Variants in ICE1 observed in about 807,000 individuals in gnomAD.
ICE1 encodes interactor of little elongation complex ELL subunit 1.
ICE1 carries 64 observed loss-of-function variants against 192.7 expected under a neutral mutation model. The observed-to-expected ratio is 0.33, with a 90% CI of 0.27 to 0.41. The LOEUF (loss-of-function observed/expected upper bound fraction) is 0.41. Ranked by LOEUF, ICE1 falls within the 10% of genes least tolerant of loss-of-function variation. The pLI, the probability that ICE1 is intolerant of heterozygous loss-of-function variation, is 1.00. For synonymous variants in ICE1, 1,010 were observed against 984.5 expected (o/e 1.03, Z -0.49); for missense variants, 2,708 against 2,696.0 (o/e 1.00, Z -0.10).
chr5:5,455,566 A>C (rs895450796), intron 11 of ICE1, among the ~76,000 whole-genome samples: 1 of 152,204 alleles, frequency 6.6e-6, no homozygotes. Context: ...GCTGTTCTTC[A>C]TTTCATAATC....
Position 5,465,039 on chromosome 5 carries a change from T to G in ICE1, c.5705T>G (p.Leu1902Ter). 6.2e-7 allele frequency: 1 copy of G among 1,613,964 alleles called. No homozygotes were observed. Among genetic ancestry groups the G allele is most frequent in the South Asian group, 1.1e-5 (1 of 91,056 alleles). Residue 1902 changes from leucine (L) to a stop codon, truncating the protein, a stop_gained, in exon 13 of 19, where the codon TTA (leucine) becomes TGA (stop). Coordinates refer to ENST00000296564, the MANE Select transcript of ICE1 (RefSeq NM_015325.3). LOFTEE classifies it high-confidence loss of function. ...PAVSAVSQLP[L>*]SPKETVESHD... is the part of the protein sequence containing the mutation. ...GTCAGTGCAGTTTCACAGTTGCCTTTAAGCCCAAAAGAAACTGTGGAGTCC... is the reference window on the plus strand; with the variant it reads ...GTCAGTGCAGTTTCACAGTTGCCTTGAAGCCCAAAAGAAACTGTGGAGTCC...
At chr5:5,425,383 C>T (rs192983146) in intron 1 of ICE1, among the ~76,000 whole-genome samples, 1 of 152,320 alleles carries the variant, frequency 6.6e-6, no homozygotes, top group East Asian at 1.9e-4. Flanking sequence ...CTCAGCTCTG[C>T]CATTTTCATG....
intron 1 of ICE1, among the ~76,000 whole-genome samples, chr5:5,431,263 G>GAAA (rs1272469671): frequency 6.6e-6 from 1 of 152,166 alleles, no homozygotes; most frequent in South Asian, 2.1e-4. Flanking sequence ...TTTTATTTTA[G>GAAA]AAAAAATAAT....
rs535136190 is a variant in ICE1, at chr5:5,450,590, G to A, written c.604+2693G>A. On this transcript the variant is annotated intron_variant, in intron 10 of 18. Coordinates refer to ENST00000296564, the MANE Select transcript of ICE1 (RefSeq NM_015325.3). ...TCATAGGGGCCACCAAGTGTTGAGC[G>A]TGATTTTTGTGTACAGTCTCCGTCT... is the stretch of plus-strand genomic sequence containing the variant. Among the ~76,000 whole-genome samples, 13 of 152,258 alleles carry A rather than the reference G, an allele frequency of 8.5e-5. No individual in the cohort carries two copies. In the South Asian group the frequency reaches 2.5e-3, roughly 29 times the overall value.
chr5:5,483,197 T>C (rs1739553758), intron 17 of ICE1, among the ~76,000 whole-genome samples: 1 of 152,144 alleles, frequency 6.6e-6, no homozygotes, highest in South Asian at 2.1e-4. Context: ...AGTTTCTCCA[T>C]GTTGGTCAGG....
rs373518028 is a variant in ICE1, at chr5:5,461,337, C to T, written c.2003C>T (p.Pro668Leu). ...DITTKVFSTE[P>L]HHSEHKLQTK... ...ACTACTAAAGTATTCTCTACTGAAC[C>T]GCATCATTCAGAACATAAATTGCAA... is the stretch of plus-strand genomic sequence containing the variant. The change falls in exon 13 of 19, where the codon CCG becomes CTG. Residue 668 changes from proline (P) to leucine (L), a missense_variant. Pro to Leu is a moderately conservative substitution (Grantham distance 98). Around this residue, in one of 2 missense-constraint regions of ICE1, gnomAD observed 2,366 missense variants for 2,276.6 expected, o/e 1.04. Coordinates refer to ENST00000296564, the MANE Select transcript of ICE1 (RefSeq NM_015325.3). 1.5e-5 allele frequency: 24 copies of T among 1,613,630 alleles called. No homozygotes were observed. Among genetic ancestry groups the T allele is most frequent in the Non-Finnish European group, 1.8e-5 (21 of 1,179,758 alleles).
chr5:5,461,124 A>G lies in ICE1; in HGVS notation c.1790A>G (p.Glu597Gly). The part of the protein sequence containing the change: ...RLSRELEKEK[E>G]DTQGFTLGES... ...TCTAGAGAATTGGAAAAGGAAAAAG[A>G]AGATACTCAAGGGTTCACTTTAGGA... Residue 597 changes from glutamate (E) to glycine (G), a missense_variant, in exon 13 of 19, where the codon GAA becomes GGA. Glu to Gly is a moderately conservative substitution (Grantham distance 98, BLOSUM62 -2). Coordinates refer to ENST00000296564, the MANE Select transcript of ICE1 (RefSeq NM_015325.3). 1.2e-6 allele frequency: 2 copies of G among 1,614,066 alleles called. No individual in the cohort carries two copies. Among genetic ancestry groups the G allele is most frequent in the Non-Finnish European group, 1.7e-6 (2 of 1,179,900 alleles).
chr5:5,448,993 C>T (rs1251055375), intron 10 of ICE1, among the ~76,000 whole-genome samples: 2 of 150,858 alleles, frequency 1.3e-5, no homozygotes, highest in Non-Finnish European at 2.9e-5. Flanking sequence ...CAGTAGTCAG[C>T]GGTTGAATGG....
At position 5,489,281 on chromosome 5, in the gene ICE1, T is replaced by C; in HGVS notation, c.6752T>C (p.Val2251Ala). The C allele has an allele frequency of 6.2e-7, 1 of 1,613,664 alleles. No homozygotes were observed. The highest frequency in any genetic ancestry group is 1.7e-5 in the Admixed American group (1 of 59,998). The change falls in exon 19 of 19, where the codon GTC (valine) becomes GCC (alanine). Residue 2251 changes from valine (V) to alanine (A), a missense_variant. By Grantham distance (64) the Val-to-Ala change is moderately conservative. This residue lies in a region of ICE1 where 342 missense variants were observed against 419.3 expected (regional missense o/e 0.82). Coordinates refer to ENST00000296564, the MANE Select transcript of ICE1 (RefSeq NM_015325.3). ...TCCAAAAGCGTTCCGTCTGCGATTG[T>C]CAGCTGCCTAGAGGAAGTCAGTGCC... The part of the protein sequence containing the change: ...EASKSVPSAI[V>A]SCLEEVSALS...
chr5:5,454,811 A>G lies in ICE1; in HGVS notation c.691+173A>G, dbSNP rs887669217. On this transcript the variant is annotated intron_variant, in intron 11 of 18. Coordinates refer to ENST00000296564, the MANE Select transcript of ICE1 (RefSeq NM_015325.3). ...CTCGTTTCCCTTCAGTGTGAATGTT[A>G]ATCCCAGTAAATACATTTAGCTTTC... 5.3e-5 allele frequency among the ~76,000 whole-genome samples: 8 copies of G among 152,178 alleles called. No individual in the cohort carries two copies. The South Asian group carries it at 8.3e-4, about 16-fold the overall frequency.
chr5:5,466,398 A>G lies in ICE1; in HGVS notation c.5957A>G (p.Asp1986Gly). 1.2e-6 allele frequency: 2 copies of G among 1,613,580 alleles called. No homozygotes were observed. Among genetic ancestry groups the G allele is most frequent in the Non-Finnish European group, 1.7e-6 (2 of 1,179,712 alleles). Reference sequence around the variant, plus strand: ...CTAAAAATTCAGAAGATATCTATGGACCACAATTACATTCACGCCCTCTGC... The same window carrying G: ...CTAAAAATTCAGAAGATATCTATGGGCCACAATTACATTCACGCCCTCTGC... ...SELKIQKISM[D>G]HNYIHALCRV... The change falls in exon 14 of 19, where the codon GAC becomes GGC. Residue 1986 changes from aspartate to glycine, a missense_variant. Asp to Gly is a moderately conservative substitution (Grantham distance 94, BLOSUM62 -1). This residue lies in a region of ICE1 where 342 missense variants were observed against 419.3 expected (regional missense o/e 0.82). Coordinates refer to ENST00000296564, the MANE Select transcript of ICE1 (RefSeq NM_015325.3).
chr5:5,463,310 G>A lies in ICE1; in HGVS notation c.3976G>A (p.Asp1326Asn), dbSNP rs370397874. 1.3e-5 allele frequency: 21 copies of A among 1,613,492 alleles called. No individual in the cohort carries two copies. The highest frequency in any genetic ancestry group is 1.8e-5 in the Non-Finnish European group (21 of 1,179,790). ...SEPTPQAAAL[D>N]TEGSSPISGM... ...ACCAACCCCACAAGCAGCTGCCTTG[G>A]ACACTGAGGGCAGCTCTCCCATCAG... The change falls in exon 13 of 19, where the codon GAC becomes AAC. Residue 1326 changes from aspartate (D) to asparagine (N), a missense_variant. Around this residue, in one of 2 missense-constraint regions of ICE1, gnomAD observed 2,366 missense variants for 2,276.6 expected, o/e 1.04. Transcript: ENST00000296564.
At chr5:5,472,723 C>G (rs1394653305) in intron 15 of ICE1, among the ~76,000 whole-genome samples, 1 of 152,116 alleles carries the variant, frequency 6.6e-6, no homozygotes, top group African/African-American at 2.4e-5. Flanking sequence ...AAGCAAATTT[C>G]CAAGCCCAAG....
At chr5:5,440,615 TA>T (rs1418020433) in intron 4 of ICE1, among the ~76,000 whole-genome samples, 2 of 152,206 alleles carry the variant, frequency 1.3e-5, no homozygotes, top group Non-Finnish European at 2.9e-5. Context: ...TAGTACTATT[TA>T]ATAGCAAATA....
chr5:5,471,141 A>AT (rs1387912388), intron 15 of ICE1, among the ~76,000 whole-genome samples: 1 of 152,236 alleles, frequency 6.6e-6, no homozygotes, highest in African/African-American at 2.4e-5. Context: ...GACAGTGCAG[A>AT]TCAGCAAAAA....
chr5:5,438,276 A>G lies in ICE1; in HGVS notation c.178+1162A>G, dbSNP rs150274966. Reference sequence around the variant, plus strand: ...CCCCGTGATCTGATCACCTCCCACAAGGTTCCACCCCAGCACCTGGGAATC... The same window carrying G: ...CCCCGTGATCTGATCACCTCCCACAGGGTTCCACCCCAGCACCTGGGAATC... On this transcript the variant is annotated intron_variant, in intron 3 of 18. Transcript: ENST00000296564. 3.6e-3 allele frequency among the ~76,000 whole-genome samples: 543 copies of G among 152,346 alleles called. 2 individuals are homozygous for G. The highest frequency in any genetic ancestry group is 0.01 in the African/African-American group (431 of 41,590).
chr5:5,489,119 T>C (rs1739718298), intron 18 of ICE1, 30 bp from the exon 19 acceptor site: 1 of 1,602,976 alleles, frequency 6.2e-7, no homozygotes, highest in African/African-American at 1.3e-5. Flanking sequence ...TATTTTCTTG[T>C]TTTATGACTG....
intron 18 of ICE1, 84 bp downstream of exon 18, chr5:5,486,903 T>A (rs990220966): frequency 6.7e-6 from 6 of 894,452 alleles, no homozygotes; most frequent in Non-Finnish European, 1.0e-5. Flanking sequence ...TGCTGTGTGC[T>A]GTGCTCTGTG....
In ICE1 at chr5:5,489,352, G is replaced by C. The variant is rs1303810321; in HGVS notation, c.*22G>C. 2.5e-6 allele frequency: 4 copies of C among 1,578,252 alleles called. No homozygotes were observed. The highest frequency in any genetic ancestry group is 3.4e-6 in the Non-Finnish European group (4 of 1,163,924). On this transcript the variant is annotated 3_prime_UTR_variant, in exon 19 of 19. Transcript: ENST00000296564. ...CTGACCTGGGATGCCACTGAGGCTT[G>C]AGAAGTGCCTTGACACATTTTGAAC...
Sources: allele counts gnomAD v4.1 joint callset (sites outside exome capture counted in the v4.1 genomes callset), GRCh38; gene constraint gnomAD v4.1.1; regional missense constraint gnomAD v4.1.1; transcripts MANE v1.5; gene names NCBI Gene and HGNC (gene_info 2026-07-23, HGNC 2026-07-21).